The following RYR3 variants were observed in gnomAD, a reference collection of about 807,000 sequenced individuals.
The protein encoded by RYR3 is brain ryanodine receptor-calcium release channel.
Under a neutral mutation model 584.3 loss-of-function variants are expected in RYR3, and 207 were observed. The ratio of observed to expected loss-of-function variants is 0.35; its 90% CI spans 0.32 to 0.40. The LOEUF (loss-of-function observed/expected upper bound fraction) is 0.40. Among genes scored for constraint, RYR3 ranks in the 10% least tolerant of loss-of-function variants. RYR3 has a pLI of 1.00. For synonymous variants in RYR3, 2,416 were observed against 2,248.5 expected, an observed-to-expected ratio of 1.07 and a Z score of -2.11; for missense variants, 5,616 against 6,089.2, an observed-to-expected ratio of 0.92 and a Z score of 2.59.
intron 89 of RYR3, among the ~76,000 whole-genome samples, chr15:33,840,069 G>A (rs1482785340): frequency 6.6e-6 from 1 of 152,190 alleles, no homozygotes; most frequent in African/African-American, 2.4e-5. Context: ...CATTTGTGCT[G>A]CGTGTTAGAA....
chr15:33,789,473 C>T (rs555213893), intron 67 of RYR3, among the ~76,000 whole-genome samples: 1 of 149,972 alleles, frequency 6.7e-6, no homozygotes, highest in Non-Finnish European at 1.5e-5. Context: ...TGGGGAGGGA[C>T]TGCTTTATGC....
Position 33,728,911 on chromosome 15 carries a change from C to T in RYR3, c.7088C>T (p.Ala2363Val), listed in dbSNP as rs753049907. 3 of 1,613,648 alleles carry T rather than the reference C, an allele frequency of 1.9e-6. No homozygotes were observed. Among genetic ancestry groups the T allele is most frequent in the Admixed American group, 1.7e-5 (1 of 59,984 alleles). ...GCCAATTTCTGCCCTGACCACAAGG[C>T]ACCTATGGTGCTGTTCTTGGACCGC... ...MAANFCPDHK[A>V]PMVLFLDRVY... The change falls in exon 47 of 104, where the codon GCA (alanine) becomes GTA (valine). Residue 2363 changes from alanine to valine, a missense_variant. Coordinates refer to ENST00000634891, the MANE Select transcript of RYR3 (RefSeq NM_001036.6).
rs369285944 is a variant in RYR3 at position 33,423,609 on chromosome 15, G to A, written c.52-49810G>A. 1.7e-3 allele frequency among the ~76,000 whole-genome samples: 251 copies of A among 152,104 alleles called. No individual in the cohort carries two copies. The South Asian group carries it at 0.018, about 11-fold the overall frequency. ...TTTTACACTTCCACCAGCAATGTAC[G>A]AGGATTCTGATTTCTCCACATCTTT... On this transcript the variant is annotated intron_variant, in intron 1 of 103. Coordinates refer to ENST00000634891, the MANE Select transcript of RYR3 (RefSeq NM_001036.6).
At chr15:33,853,732 C>G (rs751474795) in intron 96 of RYR3, 50 bp downstream of exon 96, 3 of 1,577,238 alleles carry the variant, frequency 1.9e-6, no homozygotes, top group Non-Finnish European at 2.6e-6. Flanking sequence ...ATAGATAGAT[C>G]TTTGCTTTTC....
At chr15:33,632,842 G>A in intron 23 of RYR3, 107 bp from the exon 24 acceptor site, 6 of 918,076 alleles carry the variant, frequency 6.5e-6, no homozygotes, top group Non-Finnish European at 8.4e-6. Context: ...ACCTGTGACT[G>A]TAGCCTTATT....
intron 64 of RYR3, among the ~76,000 whole-genome samples, chr15:33,776,748 C>G (rs562260196): frequency 3.3e-5 from 5 of 152,110 alleles, no homozygotes; most frequent in African/African-American, 1.2e-4. Flanking sequence ...CATTTACGTG[C>G]AAGATATTAT....
intron 1 of RYR3, among the ~76,000 whole-genome samples, chr15:33,453,607 C>T (rs2047311794): frequency 6.6e-6 from 1 of 152,174 alleles, no homozygotes; most frequent in South Asian, 2.1e-4. Flanking sequence ...TATCTGTATA[C>T]AAATGTTAAC....
At chr15:33,651,457 C>CA (rs1288365254) in intron 31 of RYR3, among the ~76,000 whole-genome samples, 1 of 152,234 alleles carries the variant, frequency 6.6e-6, no homozygotes, top group Non-Finnish European at 1.5e-5. Context: ...AGGAAGCGAG[C>CA]AGACCCATCA....
intron 15 of RYR3, 26 bp downstream of exon 15, chr15:33,584,516 T>C (rs375500613): frequency 5.8e-6 from 6 of 1,041,762 alleles, no homozygotes; most frequent in African/African-American, 1.6e-5. Context: ...AAACTATAAC[T>C]AGAAAAGATG....
At chr15:33,711,136 C>T (rs545175943) in intron 43 of RYR3, among the ~76,000 whole-genome samples, 35 of 152,204 alleles carry the variant, frequency 2.3e-4, no homozygotes, top group African/African-American at 8.2e-4. Context: ...AACTTTTACA[C>T]TCTGTTCTTG....
In RYR3 at chr15:33,390,498, G is replaced by C. The variant is rs1212089978; in HGVS notation, c.51+79402G>C. Among the ~76,000 whole-genome samples, 1 of 152,194 alleles carries C rather than the reference G, an allele frequency of 6.6e-6. No individual in the cohort carries two copies. The highest frequency in any genetic ancestry group is 2.4e-5 in the African/African-American group (1 of 41,446). On this transcript the variant is annotated intron_variant, in intron 1 of 103. Coordinates refer to ENST00000634891, the MANE Select transcript of RYR3 (RefSeq NM_001036.6). This position sits in a 1 kb window ranked among gnomAD's most constrained non-coding sequence, Gnocchi z 4.2. The stretch of plus-strand genomic sequence containing the variant: ...TGTTGATCTTATGATGCTGAAAATA[G>C]GGGAAAGTTCGACGCATTTGTTTTC...
At chr15:33,520,642 G>T (rs1055193338) in intron 3 of RYR3, among the ~76,000 whole-genome samples, 3 of 152,096 alleles carry the variant, frequency 2.0e-5, no homozygotes, top group Admixed American at 2.0e-4. Context: ...AAGCATACTT[G>T]TCATCAATCT....
chr15:33,710,064 A>G (rs1390689824), intron 43 of RYR3, among the ~76,000 whole-genome samples: 1 of 152,218 alleles, frequency 6.6e-6, no homozygotes, highest in Non-Finnish European at 1.5e-5. Context: ...TACATTTGAA[A>G]GAAATTACTG....
intron 52 of RYR3, among the ~76,000 whole-genome samples, chr15:33,743,291 T>C (rs950791039): frequency 9.2e-5 from 14 of 152,154 alleles, no homozygotes; most frequent in African/African-American, 3.4e-4. Flanking sequence ...ATTGTAACTG[T>C]AGAACGGGCT....
At chr15:33,368,416 C>G (rs1240965663) in intron 1 of RYR3, among the ~76,000 whole-genome samples, 1 of 129,974 alleles carries the variant, frequency 7.7e-6, no homozygotes, top group Non-Finnish European at 1.5e-5. Flanking sequence ...CTTCTCTTCT[C>G]TTAGAGTCAG....
chr15:33,419,582 C>T (rs1433348061), intron 1 of RYR3, among the ~76,000 whole-genome samples: 1 of 152,170 alleles, frequency 6.6e-6, no homozygotes, highest in Non-Finnish European at 1.5e-5. Flanking sequence ...TTTCTGCTGA[C>T]AGGCTCTGTC....
At chr15:33,564,189 G>T (rs555880555) in intron 11 of RYR3, among the ~76,000 whole-genome samples, 77 of 152,272 alleles carry the variant, frequency 5.1e-4, no homozygotes, top group Non-Finnish European at 2.2e-4. Context: ...GGGCTTCTGG[G>T]ACTCGAGGTG....
rs745885446 is a variant in RYR3 at position 33,670,458 on chromosome 15, C to A, written c.5762C>A (p.Thr1921Asn). 2 of 1,613,100 alleles carry A rather than the reference C, an allele frequency of 1.2e-6. No individual in the cohort carries two copies. The highest frequency in any genetic ancestry group is 1.7e-4 in the Middle Eastern group (1 of 6,054). Reference sequence around the variant, plus strand: ...GAAGAGGAAGAGGAGGAGGAGGACACCTCCTGGACAGGAAAACTCTGTGCC... The same window carrying A: ...GAAGAGGAAGAGGAGGAGGAGGACAACTCCTGGACAGGAAAACTCTGTGCC... The part of the protein sequence containing the change: ...LEEEEEEEED[T>N]SWTGKLCALV... Residue 1921 changes from threonine (T) to asparagine (N), a missense_variant, in exon 38 of 104, where the codon ACC becomes AAC. Thr to Asn is a moderately conservative substitution (Grantham distance 65). Coordinates refer to ENST00000634891, the MANE Select transcript of RYR3 (RefSeq NM_001036.6).
chr15:33,745,742 CT>C (rs1415562825), intron 52 of RYR3, among the ~76,000 whole-genome samples: 2 of 152,194 alleles, frequency 1.3e-5, no homozygotes, highest in African/African-American at 4.8e-5. Context: ...AGCCTCTGTT[CT>C]TCCTGCGAGG....
Sources: gnomAD v4.1 joint callset for allele counts (sites outside exome capture counted in the v4.1 genomes callset) on GRCh38, gnomAD v4.1.1 for gene constraint, Gnocchi (gnomAD v3.1) non-coding constraint, MANE v1.5 for transcripts, NCBI Gene and HGNC (gene_info 2026-07-23, HGNC 2026-07-21) for gene names.